Variants in MXI1 observed in about 807,000 individuals in gnomAD.
MXI1 encodes max-interacting protein 1.
Under a neutral mutation model 36.9 loss-of-function variants are expected in MXI1, and 18 were observed. The observed-to-expected ratio is 0.49, with a 90% CI of 0.34 to 0.72. MXI1 has a LOEUF of 0.72. Ranked by LOEUF, MXI1 falls within the 30% of genes least tolerant of loss-of-function variation. The probability of loss-of-function intolerance (pLI) is 0.01; values close to 1 mark genes in which losing one functional copy is unlikely to be tolerated. For synonymous variants in MXI1, 160 were observed against 146.7 expected, an observed-to-expected ratio of 1.09 and a Z score of -0.65; for missense variants, 304 against 379.1, an observed-to-expected ratio of 0.80 and a Z score of 1.64.
At chr10:110,281,859 T>C (rs1857262483) in intron 5 of MXI1, among the ~76,000 whole-genome samples, 1 of 152,234 alleles carries the variant, frequency 6.6e-6, no homozygotes. Context: ...ACTTTTAATA[T>C]TAATCAATAG....
Position 110,243,826 on chromosome 10 carries a change from C to G in MXI1, c.408-1002C>G, listed in dbSNP as rs77090345. Reference sequence around the variant, plus strand: ...TTTCCTATTTCATAGATGAGGAAACCGAGCACAGAGAAATGAAGGGACTTT... The same window carrying G: ...TTTCCTATTTCATAGATGAGGAAACGGAGCACAGAGAAATGAAGGGACTTT... On this transcript the variant is annotated intron_variant, in intron 2 of 5. Transcript: ENST00000332674. 4.7e-3 allele frequency among the ~76,000 whole-genome samples: 709 copies of G among 152,034 alleles called. 5 individuals are homozygous for G. Among genetic ancestry groups the G allele is most frequent in the Non-Finnish European group, 5.9e-3 (403 of 67,934 alleles).
intron 3 of MXI1, among the ~76,000 whole-genome samples, chr10:110,275,711 C>T (rs1433257761): frequency 6.6e-6 from 1 of 152,150 alleles, no homozygotes; most frequent in Non-Finnish European, 1.5e-5. Flanking sequence ...TCTCCAAATG[C>T]CTGTTTCATT....
chr10:110,210,366 C>T, intron 1 of MXI1: 1 of 859,208 alleles, frequency 1.2e-6, no homozygotes. Context: ...GGCCGGCTCC[C>T]GGCGGGAGTA....
At chr10:110,208,191 C>T in intron 1 of MXI1, 109 bp downstream of exon 1, 2 of 1,179,788 alleles carry the variant, frequency 1.7e-6, no homozygotes, top group South Asian at 1.5e-5. Context: ...CCAACATACA[C>T]ATCCAGCCCT....
intron 2 of MXI1, among the ~76,000 whole-genome samples, chr10:110,233,237 T>C (rs1855337697): frequency 6.6e-6 from 1 of 152,220 alleles, no homozygotes; most frequent in Non-Finnish European, 1.5e-5. Flanking sequence ...GTTTAATTTT[T>C]CTTAAACTGT....
rs373875010 is a variant in MXI1 at position 110,220,222 on chromosome 10, G to A, written c.275-7967G>A. On this transcript the variant is annotated intron_variant, in intron 1 of 5. Transcript: ENST00000332674. Reference sequence around the variant, plus strand: ...TTTCTGGGCCTTATTTGTAAAATAGGAATCTCAGAGGTGTGCTGAGGATTA... The same window carrying A: ...TTTCTGGGCCTTATTTGTAAAATAGAAATCTCAGAGGTGTGCTGAGGATTA... Among the ~76,000 whole-genome samples the A allele has an allele frequency of 3.3e-5, 5 of 152,344 alleles. No homozygotes were observed. The South Asian group carries it at 1.0e-3, about 32-fold the overall frequency.
intron 1 of MXI1, chr10:110,210,161 C>T (rs113511609): frequency 0.14 from 107,774 of 784,172 alleles, 8,770 homozygotes; most frequent in South Asian, 0.35. Flanking sequence ...GGCTGCCCCG[C>T]GCGGGGCGGG....
intron 1 of MXI1, chr10:110,208,438 T>TTTTC (rs761839450): frequency 2.6e-3 from 430 of 167,214 alleles, no homozygotes; most frequent in African/African-American, 0.01. Context: ...TTTTTTTTTT[T>TTTTC]CCGGAGCCTT....
intron 3 of MXI1, chr10:110,261,196 T>C: frequency 3.3e-6 from 3 of 911,734 alleles, no homozygotes; most frequent in African/African-American, 1.8e-5. Flanking sequence ...TAAAAGTAGC[T>C]TTTAAATAAT....
At chr10:110,235,697 A>ATAAATAAATAAATAAG (rs1855438687) in intron 2 of MXI1, among the ~76,000 whole-genome samples, 1 of 110,232 alleles carries the variant, frequency 9.1e-6, no homozygotes, top group Non-Finnish European at 1.9e-5. Flanking sequence ...CAAAAAATAA[A>ATAAATAAATAAATAAG]TAAATAAATA....
chr10:110,269,355 G>A (rs913395083), intron 3 of MXI1, among the ~76,000 whole-genome samples: 1 of 152,164 alleles, frequency 6.6e-6, no homozygotes, highest in Admixed American at 6.5e-5. Context: ...CATCTTATTA[G>A]TAGGGCCACT....
At chr10:110,224,800 A>G (rs374967191) in intron 1 of MXI1, among the ~76,000 whole-genome samples, 1 of 152,066 alleles carries the variant, frequency 6.6e-6, no homozygotes. Flanking sequence ...GGCACCCGCC[A>G]CCATGCCCGG....
intron 2 of MXI1, among the ~76,000 whole-genome samples, chr10:110,234,714 A>G (rs574191641): frequency 6.6e-6 from 1 of 152,294 alleles, no homozygotes; most frequent in South Asian, 2.1e-4. Context: ...TTGCTCTGTA[A>G]TAGAATTTGT....
chr10:110,257,822 T>C, intron 3 of MXI1: 1 of 354,728 alleles, frequency 2.8e-6, no homozygotes, highest in Non-Finnish European at 5.7e-6. Flanking sequence ...TGCTGGAACC[T>C]ATTCCCTGTG....
Position 110,228,250 on chromosome 10 carries a change from A to G in MXI1, c.336A>G (p.Ser112=). The part of the protein sequence containing the change: ...PSMPSPRLQH[S]KPPRRLSRAQ... The stretch of plus-strand genomic sequence containing the variant: ...TGCCGAGCCCCCGACTGCAGCATTC[A>G]AAGCCCCCACGGAGGTTGAGCCGGG... Residue 112 remains serine (S), a synonymous_variant, in exon 2 of 6, where the codon TCA becomes TCG. Transcript: ENST00000332674. 1 of 1,614,040 alleles carries G rather than the reference A, an allele frequency of 6.2e-7. No individual in the cohort carries two copies. The highest frequency in any genetic ancestry group is 8.5e-7 in the Non-Finnish European group (1 of 1,179,982).
chr10:110,268,852 A>G (rs146265617), intron 3 of MXI1, among the ~76,000 whole-genome samples: 90 of 152,312 alleles, frequency 5.9e-4, no homozygotes, highest in African/African-American at 1.7e-3. Flanking sequence ...TTGATTCTCT[A>G]TTATTATCAG....
chr10:110,259,539 A>G (rs1856433256), intron 3 of MXI1, among the ~76,000 whole-genome samples: 1 of 152,120 alleles, frequency 6.6e-6, no homozygotes, highest in South Asian at 2.1e-4. Context: ...TTCTTAAACT[A>G]GAATCTTCTT....
Position 110,286,231 on chromosome 10 carries a change from T to C in MXI1, c.*1244T>C, listed in dbSNP as rs1857423048. 6.6e-6 allele frequency: 1 copy of C among 152,656 alleles called. No individual in the cohort carries two copies. The highest frequency in any genetic ancestry group is 1.5e-5 in the Non-Finnish European group (1 of 68,046). 9.5% of individuals were successfully genotyped at this position (152,656 alleles called of 1,614,324 possible). ...ATTTTAATGTAAAGATTTGCTTCCATTTTCCTACAGGCAGTCTCTCTCTTC... is the reference window on the plus strand; with the variant it reads ...ATTTTAATGTAAAGATTTGCTTCCACTTTCCTACAGGCAGTCTCTCTCTTC... On this transcript the variant is annotated 3_prime_UTR_variant, in exon 6 of 6. Transcript: ENST00000332674.
chr10:110,237,809 A>G (rs934011109), intron 2 of MXI1, among the ~76,000 whole-genome samples: 22 of 152,196 alleles, frequency 1.4e-4, no homozygotes, highest in African/African-American at 5.1e-4. Flanking sequence ...CAGAGTCTCA[A>G]CTGTCACCCG....
Sources: gnomAD v4.1 joint callset for allele counts (sites outside exome capture counted in the v4.1 genomes callset) on GRCh38, gnomAD v4.1.1 for gene constraint, MANE v1.5 for transcripts, NCBI Gene and HGNC (gene_info 2026-07-23, HGNC 2026-07-21) for gene names.